The following EPN2 variants were observed in gnomAD, a reference collection of about 807,000 sequenced individuals.
EPN2 encodes the protein epsin-2.
Under a neutral mutation model 61.7 loss-of-function variants are expected in EPN2, and 34 were observed. That is an observed-to-expected ratio of 0.55 (90% confidence interval 0.42 to 0.73). The LOEUF (loss-of-function observed/expected upper bound fraction) is 0.73. Among genes scored for constraint, EPN2 ranks in the 30% least tolerant of loss-of-function variants. The pLI, the probability that EPN2 is intolerant of heterozygous loss-of-function variation, is 0.00. For synonymous variants in EPN2, 349 were observed against 353.6 expected (o/e 0.99, Z 0.15); for missense variants, 714 against 839.2 (o/e 0.85, Z 1.84).
At chr17:19,313,390 TC>T in intron 7 of EPN2, 111 bp downstream of exon 7, 2 of 944,090 alleles carry the variant, frequency 2.1e-6, no homozygotes, top group Non-Finnish European at 3.0e-6. Flanking sequence ...GTGGTGGGTG[TC>T]CAGGCTCCTC....
intron 1 of EPN2, among the ~76,000 whole-genome samples, chr17:19,239,485 C>T (rs1031496099): frequency 6.6e-6 from 1 of 152,212 alleles, no homozygotes; most frequent in Non-Finnish European, 1.5e-5. Context: ...TTTACTTTTA[C>T]ATTTTAAAAG....
Position 19,306,867 on chromosome 17 carries a change from G to A in EPN2, c.767-3018G>A, listed in dbSNP as rs567365623. 3.9e-5 allele frequency among the ~76,000 whole-genome samples: 6 copies of A among 152,316 alleles called. No homozygotes were observed. In the East Asian group the frequency reaches 9.7e-4, roughly 25 times the overall value. On this transcript the variant is annotated intron_variant, in intron 4 of 10. Coordinates refer to ENST00000314728, the MANE Select transcript of EPN2 (RefSeq NM_014964.5). The stretch of plus-strand genomic sequence containing the variant: ...TGGTAGTAAATGAAGGATGTCGTAA[G>A]TGCAATATTTGCTTTATAGCAAGGG...
chr17:19,322,984 G>T lies in EPN2; in HGVS notation c.1148-5727G>T, dbSNP rs532604824. Among the ~76,000 whole-genome samples, 5 of 152,248 alleles carry T rather than the reference G, an allele frequency of 3.3e-5. No individual in the cohort carries two copies. In the East Asian group the frequency reaches 7.7e-4, roughly 24 times the overall value. On this transcript the variant is annotated intron_variant, in intron 7 of 10. Coordinates refer to ENST00000314728, the MANE Select transcript of EPN2 (RefSeq NM_014964.5). ...ATGAGGGAAGAGACTAGTTGTCTCG[G>T]AGGCTCAGGGGAGCATTCCCTGGTC...
intron 1 of EPN2, among the ~76,000 whole-genome samples, chr17:19,266,247 C>T (rs2045196188): frequency 6.6e-6 from 1 of 152,130 alleles, no homozygotes; most frequent in African/African-American, 2.4e-5. Flanking sequence ...TAATCTTTGT[C>T]TTAGAAATGC....
At chr17:19,293,370 CAAAA>C (rs1050438709) in intron 4 of EPN2, among the ~76,000 whole-genome samples, 5 of 50,732 alleles carry the variant, frequency 9.9e-5, no homozygotes, top group Non-Finnish European at 1.6e-4. Flanking sequence ...AACTCCATCT[CAAAA>C]AAAAAAAAAA....
At chr17:19,295,313 C>T (rs566031307) in intron 4 of EPN2, among the ~76,000 whole-genome samples, 4 of 151,464 alleles carry the variant, frequency 2.6e-5, no homozygotes, top group East Asian at 2.0e-4. Flanking sequence ...GCCTTGCCAA[C>T]GCAGTGAAAC....
intron 4 of EPN2, among the ~76,000 whole-genome samples, chr17:19,286,277 A>T (rs914535825): frequency 1.4e-5 from 2 of 140,666 alleles, no homozygotes; most frequent in Admixed American, 1.7e-4. Context: ...ATAAAATGGG[A>T]TTTTTTTTTT....
chr17:19,246,126 C>T (rs1165909465), intron 1 of EPN2, among the ~76,000 whole-genome samples: 7 of 151,766 alleles, frequency 4.6e-5, no homozygotes, highest in African/African-American at 7.3e-5. Flanking sequence ...TTTGGGAAGC[C>T]GAGGCAGGTG....
chr17:19,267,860 G>T (rs890891573), intron 1 of EPN2, among the ~76,000 whole-genome samples: 6 of 152,180 alleles, frequency 3.9e-5, no homozygotes, highest in African/African-American at 1.2e-4. Flanking sequence ...TTATAGTAAG[G>T]ATTTGAATGG....
chr17:19,332,045 C>T lies in EPN2; in HGVS notation c.1604C>T (p.Ser535Phe). The change falls in exon 10 of 11, where the codon TCC (serine) becomes TTC (phenylalanine). Residue 535 changes from serine to phenylalanine, a missense_variant. This residue lies in a region of EPN2 where 410 missense variants were observed against 421.8 expected (regional missense o/e 0.97). Transcript: ENST00000314728. ...ACCAGGCCTGCCCCACCAGCCCAGT[C>T]CCTCAACCCTTTCCTGGCACCAGGT... The part of the protein sequence containing the change: ...LVTRPAPPAQ[S>F]LNPFLAPGAP... The T allele has an allele frequency of 6.2e-7, 1 of 1,611,438 alleles. No individual in the cohort carries two copies. The highest frequency in any genetic ancestry group is 1.7e-5 in the Admixed American group (1 of 60,024).
At chr17:19,257,071 A>C (rs2045088377) in intron 1 of EPN2, among the ~76,000 whole-genome samples, 1 of 152,264 alleles carries the variant, frequency 6.6e-6, no homozygotes, top group Non-Finnish European at 1.5e-5. Flanking sequence ...TTACTATGTA[A>C]TCTGACTGCA....
intron 9 of EPN2, chr17:19,330,606 C>G (rs558899263): frequency 6.6e-6 from 1 of 152,232 alleles, no homozygotes; most frequent in Non-Finnish European, 1.5e-5. Flanking sequence ...CATGTGTCTT[C>G]TCTGTAGGCC....
In EPN2 at chr17:19,285,620, C is replaced by T. The variant is rs772339966; in HGVS notation, c.596C>T (p.Ser199Leu). Residue 199 changes from serine (S) to leucine (L), a missense_variant and splice_region_variant, in exon 4 of 11, where the codon TCG becomes TTG. By Grantham distance (145) the Ser-to-Leu change is moderately radical. Transcript: ENST00000314728. The surrounding 1 kb of genome is among the most constrained non-coding windows in gnomAD (Gnocchi z 4.5). ...GTGTGTGTGTGTCCCTGCCCCACAG[C>T]GCCTGAGGCCTCGCTGTGCCCCCAG... ...AGGSPASYHG[S>L]PEASLCPQHR... 6 of 1,537,296 alleles carry T rather than the reference C, an allele frequency of 3.9e-6. No homozygotes were observed. The highest frequency in any genetic ancestry group is 5.3e-6 in the Non-Finnish European group (6 of 1,140,214).
intron 8 of EPN2, chr17:19,329,104 A>T (rs1056605323): frequency 1.2e-5 from 6 of 501,088 alleles, no homozygotes; most frequent in African/African-American, 1.2e-4. Context: ...CCTCCCTCCA[A>T]ATTGAGGGGG....
In EPN2 at chr17:19,280,983, CTATT is replaced by C. The variant is rs537429338; in HGVS notation, c.-293-967_-293-964del. Among the ~76,000 whole-genome samples, 14 of 152,188 alleles carry C rather than the reference CTATT, an allele frequency of 9.2e-5. No individual in the cohort carries two copies. The South Asian group carries it at 2.9e-3, about 32-fold the overall frequency. ...CTCAGCGAAATTGACTTATATTTAC[CTATT>C]TATTATAAAGGATATTGCAAAGGAT... On this transcript the variant is annotated intron_variant, in intron 1 of 10. Coordinates refer to ENST00000314728, the MANE Select transcript of EPN2 (RefSeq NM_014964.5).
chr17:19,309,145 T>C (rs1012625357), intron 4 of EPN2, among the ~76,000 whole-genome samples: 18 of 150,044 alleles, frequency 1.2e-4, no homozygotes, highest in Non-Finnish European at 4.5e-5. Context: ...GTCAACTCTT[T>C]TTTTTTTTTT....
intron 5 of EPN2, among the ~76,000 whole-genome samples, chr17:19,311,281 T>G (rs1906122754): frequency 6.6e-6 from 1 of 152,076 alleles, no homozygotes; most frequent in African/African-American, 2.4e-5. Flanking sequence ...AGAAGGTGCG[T>G]GGTAGCATCC....
intron 1 of EPN2, among the ~76,000 whole-genome samples, chr17:19,241,036 C>CT (rs1424618031): frequency 7.9e-5 from 12 of 152,274 alleles, no homozygotes; most frequent in Admixed American, 3.3e-4. Flanking sequence ...GCCTAGGGAG[C>CT]TTAAGTTACA....
chr17:19,328,155 G>A (rs1906981482), intron 7 of EPN2, among the ~76,000 whole-genome samples: 1 of 152,120 alleles, frequency 6.6e-6, no homozygotes, highest in Admixed American at 6.5e-5. Flanking sequence ...CTTAAGTTGG[G>A]TGGTAAGTAT....
Sources: gnomAD v4.1 joint callset for allele counts (sites outside exome capture counted in the v4.1 genomes callset) on GRCh38, gnomAD v4.1.1 for gene constraint, gnomAD v4.1.1 regional missense constraint, Gnocchi (gnomAD v3.1) non-coding constraint, MANE v1.5 for transcripts, NCBI Gene and HGNC (gene_info 2026-07-23, HGNC 2026-07-21) for gene names.